Variants in CDK14 observed in about 807,000 individuals in gnomAD.
CDK14 encodes cyclin dependent kinase 14.
In CDK14, 34 loss-of-function variants were observed where a neutral mutation model predicts 60.7. The ratio of observed to expected loss-of-function variants is 0.56; its 90% CI spans 0.43 to 0.75. CDK14 has a LOEUF of 0.75. CDK14 is among the 30% of genes least tolerant of loss of function. CDK14 has a pLI of 0.00. For missense variants in CDK14, 482 were observed against 564.1 expected (o/e 0.85, Z 1.47); for synonymous variants, 197 against 203.7 (o/e 0.97, Z 0.28).
At chr7:91,029,879 C>G (rs1056007681) in intron 10 of CDK14, among the ~76,000 whole-genome samples, 1 of 152,176 alleles carries the variant, frequency 6.6e-6, no homozygotes, top group Non-Finnish European at 1.5e-5. Flanking sequence ...TTGACTTCCT[C>G]TTTTCTAATT....
intron 2 of CDK14, among the ~76,000 whole-genome samples, chr7:90,703,115 T>G (rs1225025393): frequency 6.6e-6 from 1 of 152,090 alleles, no homozygotes; most frequent in Non-Finnish European, 1.5e-5. Flanking sequence ...GTCATGGGAT[T>G]GTAGCCTCTG....
rs1805171028 is a variant in CDK14 at position 90,778,875 on chromosome 7, C to CCTTCCTTG, written c.465-11691_465-11690insGCTTCCTT. Among the ~76,000 whole-genome samples the CCTTCCTTG allele has an allele frequency of 1.3e-4, 14 of 111,340 alleles. No homozygotes were observed. In the South Asian group the frequency reaches 4.4e-3, roughly 35 times the overall value. 73.0% of individuals were successfully genotyped at this position (111,340 alleles called of 152,430 possible). On this transcript the variant is annotated intron_variant, in intron 4 of 14. Coordinates refer to ENST00000380050, the MANE Select transcript of CDK14 (RefSeq NM_001287135.2). ...TCCTTCCTTCCTTCCTTCCTTCCTTCCTTCCTTCCTTCCTTCCTTCCTTCT... is the reference window on the plus strand; with the variant it reads ...TCCTTCCTTCCTTCCTTCCTTCCTTCCTTCCTTGCTTCCTTCCTTCCTTCCTTCCTTCT...
At chr7:91,147,162 T>TCTCTCTCTCTCTCTCTCTCTCTCA (rs1438870514) in intron 14 of CDK14, among the ~76,000 whole-genome samples, 1 of 124,698 alleles carries the variant, frequency 8.0e-6, no homozygotes, top group African/African-American at 3.3e-5. Context: ...TCTCTCTCTC[T>TCTCTCTCTCTCTCTCTCTCTCTCA]CACACACACA....
At chr7:90,850,563 T>C (rs1790616632) in intron 5 of CDK14, among the ~76,000 whole-genome samples, 1 of 152,098 alleles carries the variant, frequency 6.6e-6, no homozygotes, top group Admixed American at 6.5e-5. Flanking sequence ...AGTTAAGATC[T>C]GAAGAGATGG....
chr7:90,757,209 A>AGTGTGTGTGTGTGTGTGT (rs56790315), intron 4 of CDK14, among the ~76,000 whole-genome samples: 98 of 120,326 alleles, frequency 8.1e-4, no homozygotes, highest in Middle Eastern at 9.2e-3. Context: ...GCATTCTTCC[A>AGTGTGTGTGTGTGTGTGT]GTGTGTGTGT....
At chr7:90,922,870 G>C (rs560560582) in intron 8 of CDK14, among the ~76,000 whole-genome samples, 9 of 151,910 alleles carry the variant, frequency 5.9e-5, no homozygotes, top group Admixed American at 5.9e-4. Flanking sequence ...AGCGTCTTAG[G>C]TTCACAGCAA....
In CDK14 at chr7:91,106,143, T is replaced by G. The variant is rs181327423; in HGVS notation, c.1155-6399T>G. The stretch of plus-strand genomic sequence containing the variant: ...TTTTTTCTTGAATTGTTGAAGAACA[T>G]GAAACCTCAAATTCAGGAAACACAG... On this transcript the variant is annotated intron_variant, in intron 12 of 14. Transcript: ENST00000380050. Among the ~76,000 whole-genome samples, 3 of 152,194 alleles carry G rather than the reference T, an allele frequency of 2.0e-5. No individual in the cohort carries two copies. The East Asian group carries it at 5.8e-4, about 29-fold the overall frequency.
chr7:90,755,234 T>C (rs544175343), intron 4 of CDK14, among the ~76,000 whole-genome samples: 1 of 152,276 alleles, frequency 6.6e-6, no homozygotes, highest in African/African-American at 2.4e-5. Context: ...CAGTAGTGAA[T>C]TGGATTAAAA....
intron 5 of CDK14, among the ~76,000 whole-genome samples, chr7:90,811,702 T>G (rs1279329398): frequency 6.6e-6 from 1 of 151,558 alleles, no homozygotes; most frequent in Non-Finnish European, 1.5e-5. Flanking sequence ...GGGAGAAAAT[T>G]TTCGCAATCT....
At chr7:90,838,952 T>A (rs1375644003) in intron 5 of CDK14, among the ~76,000 whole-genome samples, 1 of 152,082 alleles carries the variant, frequency 6.6e-6, no homozygotes, top group Non-Finnish European at 1.5e-5. Context: ...ATATACCCCC[T>A]CCCCTTTTGA....
At position 90,984,135 on chromosome 7, in the gene CDK14, C is replaced by T. The variant is rs779273606; in HGVS notation, c.948-13C>T. The T allele has an allele frequency of 6.4e-7, 1 of 1,557,330 alleles. No individual in the cohort carries two copies. The highest frequency in any genetic ancestry group is 2.2e-5 in the East Asian group (1 of 44,582). ...TATTGAAGTTTTGTAACGATTCTTT[C>T]TTCTCTCTCTAGGGGAGTAGGTTGC... On this transcript the variant is annotated splice_polypyrimidine_tract_variant and intron_variant, in intron 9 of 14. Transcript: ENST00000380050.
At chr7:90,709,158 C>CT (rs577475064) in intron 2 of CDK14, 1,515 of 188,416 alleles carry the variant, frequency 8.0e-3, no homozygotes, top group Middle Eastern at 0.013. Flanking sequence ...TGCACCTGTG[C>CT]TTTTTTTTTT....
At chr7:91,174,593 A>G (rs1295044274) in intron 14 of CDK14, among the ~76,000 whole-genome samples, 1 of 141,222 alleles carries the variant, frequency 7.1e-6, no homozygotes, top group Non-Finnish European at 1.5e-5. Flanking sequence ...TAGAATAACC[A>G]ATAGAGAGAA....
intron 4 of CDK14, among the ~76,000 whole-genome samples, chr7:90,763,658 C>A (rs1442773400): frequency 8.8e-5 from 13 of 147,452 alleles, no homozygotes; most frequent in African/African-American, 3.0e-4. Flanking sequence ...CACACTGGGG[C>A]CTGTCGTGGG....
At chr7:91,146,143 T>C (rs181942547) in intron 14 of CDK14, among the ~76,000 whole-genome samples, 3 of 152,228 alleles carry the variant, frequency 2.0e-5, no homozygotes, top group South Asian at 4.1e-4. Flanking sequence ...GGAGAACATA[T>C]ACTTTGAAAA....
rs553151520 is a variant in CDK14, at chr7:90,695,778, G to C, written c.124-30789G>C. Reference sequence around the variant, plus strand: ...TTCAGGAGGAGGGTGCAACAGCCTTGAGTATAGACGGCTTAGTGTTCTTAA... The same window carrying C: ...TTCAGGAGGAGGGTGCAACAGCCTTCAGTATAGACGGCTTAGTGTTCTTAA... On this transcript the variant is annotated intron_variant, in intron 2 of 14. Transcript: ENST00000380050. Among the ~76,000 whole-genome samples, 29 of 152,278 alleles carry C rather than the reference G, an allele frequency of 1.9e-4. No homozygotes were observed. The South Asian group carries it at 4.8e-3, about 25-fold the overall frequency.
rs1288304108 is a variant in CDK14 at position 90,807,445 on chromosome 7, C to A, written c.544+16793C>A. ...GAAAACTAACAAACAGAAAGGACATCCACACCAAAAACCCATCTGTACGTC... is the reference window on the plus strand; with the variant it reads ...GAAAACTAACAAACAGAAAGGACATACACACCAAAAACCCATCTGTACGTC... On this transcript the variant is annotated intron_variant, in intron 5 of 14. Transcript: ENST00000380050. 2.6e-5 allele frequency among the ~76,000 whole-genome samples: 4 copies of A among 152,258 alleles called. No individual in the cohort carries two copies. The East Asian group carries it at 7.7e-4, about 29-fold the overall frequency.
chr7:90,866,273 C>CACACACACACACAG (rs1491345959), intron 6 of CDK14, among the ~76,000 whole-genome samples: 1 of 148,344 alleles, frequency 6.7e-6, no homozygotes, highest in Non-Finnish European at 1.5e-5. Flanking sequence ...CACACACACA[C>CACACACACACACAG]AGAACTTTGT....
intron 9 of CDK14, among the ~76,000 whole-genome samples, chr7:90,979,959 AT>A (rs10716810): frequency 0.48 from 73,226 of 151,814 alleles, 18,221 homozygotes; most frequent in East Asian, 0.7. Context: ...TTCTATAGCC[AT>A]TTTTTTAGTT....
Sources: allele counts gnomAD v4.1 joint callset (sites outside exome capture counted in the v4.1 genomes callset), GRCh38; gene constraint gnomAD v4.1.1; transcripts MANE v1.5; gene names NCBI Gene and HGNC (gene_info 2026-07-23, HGNC 2026-07-21).